NRG1: variants seen among roughly 807,000 people sequenced by gnomAD.
NRG1 encodes the protein neuregulin 1.
In NRG1, 18 loss-of-function variants were observed where a neutral mutation model predicts 63.8. The ratio of observed to expected loss-of-function variants is 0.28; its 90% CI spans 0.19 to 0.42. The LOEUF (loss-of-function observed/expected upper bound fraction) is 0.42, where lower values mean the gene tolerates loss of function less well. Ranked by LOEUF, NRG1 falls within the 10% of genes least tolerant of loss-of-function variation. The probability of loss-of-function intolerance (pLI) is 1.00; values close to 1 mark genes in which losing one functional copy is unlikely to be tolerated. For synonymous variants in NRG1, 302 were observed against 301.3 expected (o/e 1.00, Z -0.02); for missense variants, 762 against 814.7 (o/e 0.94, Z 0.79).
chr8:31,956,686 A>T (rs327394), intron 1 of NRG1, among the ~76,000 whole-genome samples: 129,202 of 152,160 alleles, frequency 0.85, 55,707 homozygotes, highest in African/African-American at 0.96. Context: ...ATCCTCGCAA[A>T]TATTTTTCAT....
intron 1 of NRG1, among the ~76,000 whole-genome samples, chr8:31,705,247 C>A (rs1811037309): frequency 6.6e-6 from 1 of 151,960 alleles, no homozygotes; most frequent in South Asian, 2.1e-4. Context: ...GGGGTTTCAC[C>A]ATGTTGGCCA....
chr8:32,104,518 A>G (rs545948730), intron 1 of NRG1, among the ~76,000 whole-genome samples: 2 of 152,168 alleles, frequency 1.3e-5, no homozygotes, highest in Non-Finnish European at 2.9e-5. Context: ...TAATAAATTA[A>G]TGTTAGCTTA....
intron 1 of NRG1, among the ~76,000 whole-genome samples, chr8:32,313,780 T>G (rs931996814): frequency 2.0e-5 from 3 of 152,206 alleles, no homozygotes; most frequent in Non-Finnish European, 4.4e-5. Context: ...GAGAAAGTTG[T>G]TTCTATTACA....
At position 32,111,208 on chromosome 8, in the gene NRG1, C is replaced by G. The variant is rs1242836572; in HGVS notation, c.37+471777C>G. The stretch of plus-strand genomic sequence containing the variant: ...CTTGGCTCACTGCAACCTCTGCCTC[C>G]CGGGTTCAAGCAATTTTCGTTCCTC... On this transcript the variant is annotated intron_variant, in intron 1 of 10. Transcript: ENST00000519301. Among the ~76,000 whole-genome samples, 6 of 152,228 alleles carry G rather than the reference C, an allele frequency of 3.9e-5. No homozygotes were observed. The East Asian group carries it at 1.2e-3, about 29-fold the overall frequency.
intron 1 of NRG1, among the ~76,000 whole-genome samples, chr8:32,575,813 C>G (rs2129529639): frequency 6.6e-6 from 1 of 152,194 alleles, no homozygotes; most frequent in South Asian, 2.1e-4. Flanking sequence ...TAGATCTGGT[C>G]ATTTAAATCT....
At chr8:31,991,953 C>T (rs1286068264) in intron 1 of NRG1, among the ~76,000 whole-genome samples, 1 of 151,822 alleles carries the variant, frequency 6.6e-6, no homozygotes, top group Non-Finnish European at 1.5e-5. Flanking sequence ...GAAAATAAAG[C>T]ATAAAATTTA....
At chr8:32,538,313 T>A (rs1047611092) in intron 1 of NRG1, among the ~76,000 whole-genome samples, 21 of 152,300 alleles carry the variant, frequency 1.4e-4, no homozygotes, top group Admixed American at 1.4e-3. Flanking sequence ...AGAGTTACAA[T>A]TAAACTTTTC....
At chr8:32,632,457 G>C (rs1850505999) in intron 5 of NRG1, among the ~76,000 whole-genome samples, 1 of 150,436 alleles carries the variant, frequency 6.6e-6, no homozygotes, top group African/African-American at 2.5e-5. Context: ...GCTGAGGCAG[G>C]AGAATTGCTT....
chr8:31,800,050 A>G (rs1409644786), intron 1 of NRG1, among the ~76,000 whole-genome samples: 1 of 152,224 alleles, frequency 6.6e-6, no homozygotes, highest in Middle Eastern at 3.2e-3. Context: ...CTGTTGGCCT[A>G]TAATGTTTTA....
chr8:31,948,104 A>T (rs962510591), intron 1 of NRG1, among the ~76,000 whole-genome samples: 1 of 152,180 alleles, frequency 6.6e-6, no homozygotes, highest in African/African-American at 2.4e-5. Context: ...ACATATGCAC[A>T]TATGTATATA....
intron 1 of NRG1, among the ~76,000 whole-genome samples, chr8:32,119,264 A>T (rs1190781111): frequency 6.6e-6 from 1 of 152,128 alleles, no homozygotes; most frequent in Non-Finnish European, 1.5e-5. Context: ...TCTTCATTTT[A>T]ATATGAGAAA....
chr8:32,699,077 A>C (rs1178594263), intron 5 of NRG1, among the ~76,000 whole-genome samples: 2 of 152,220 alleles, frequency 1.3e-5, no homozygotes, highest in Admixed American at 6.5e-5. Flanking sequence ...TTATTTTGCC[A>C]CATATACTTA....
intron 1 of NRG1, among the ~76,000 whole-genome samples, chr8:31,774,540 G>C (rs1257856542): frequency 6.6e-6 from 1 of 152,066 alleles, no homozygotes; most frequent in Non-Finnish European, 1.5e-5. Context: ...GGCATAGTCG[G>C]GGGTCAAGTC....
chr8:32,008,736 C>G (rs961417755), intron 1 of NRG1, among the ~76,000 whole-genome samples: 2 of 151,978 alleles, frequency 1.3e-5, no homozygotes, highest in African/African-American at 4.8e-5. Context: ...AAAGGGGAAC[C>G]CTCTGCTAGT....
intron 1 of NRG1, among the ~76,000 whole-genome samples, chr8:31,868,581 CT>C (rs759566699): frequency 2.0e-5 from 3 of 152,190 alleles, no homozygotes; most frequent in Non-Finnish European, 4.4e-5. Context: ...TGTGAAACTC[CT>C]TGTGACCCTT....
In NRG1 at chr8:32,474,999, A is replaced by G. The variant is rs147317175; in HGVS notation, c.38-120829A>G. Among the ~76,000 whole-genome samples the G allele has an allele frequency of 3.9e-3, 601 of 152,220 alleles. 3 individuals are homozygous for G. Among genetic ancestry groups the G allele is most frequent in the African/African-American group, 0.014 (563 of 41,534 alleles). ...TTAATACCATGAAGACTCATAGACA[A>G]TGCTTCCTCCCCTAGAAACTCATTA... On this transcript the variant is annotated intron_variant, in intron 1 of 10. Coordinates refer to the NRG1 transcript ENST00000519301.
chr8:31,940,384 T>C (rs977668863), intron 1 of NRG1, among the ~76,000 whole-genome samples: 1 of 151,918 alleles, frequency 6.6e-6, no homozygotes, highest in African/African-American at 2.4e-5. Context: ...TCAAAACCAC[T>C]GAGATACAGC....
intron 1 of NRG1, among the ~76,000 whole-genome samples, chr8:32,071,336 G>T (rs1444137602): frequency 6.6e-6 from 1 of 152,174 alleles, no homozygotes; most frequent in Non-Finnish European, 1.5e-5. Flanking sequence ...ACTCTGTGCA[G>T]TCGTAGAGTA....
At chr8:32,709,055 G>A (rs540675337) in intron 5 of NRG1, among the ~76,000 whole-genome samples, 8 of 152,222 alleles carry the variant, frequency 5.3e-5, no homozygotes, top group East Asian at 1.9e-4. Flanking sequence ...TCACTAAGCC[G>A]AAGATTCCCT....
Sources: gnomAD v4.1 joint callset for allele counts (sites outside exome capture counted in the v4.1 genomes callset) on GRCh38, gnomAD v4.1.1 for gene constraint, MANE v1.5 for transcripts, NCBI Gene and HGNC (gene_info 2026-07-23, HGNC 2026-07-21) for gene names.